SLC44A1: variants seen among roughly 807,000 people sequenced by gnomAD.
The protein encoded by SLC44A1 is solute carrier family 44 member 1, also known as choline transporter-like protein 1.
Under a neutral mutation model 79.3 loss-of-function variants are expected in SLC44A1, and 26 were observed. The ratio of observed to expected loss-of-function variants is 0.33; its 90% CI spans 0.24 to 0.46. The LOEUF is 0.46. Among genes scored for constraint, SLC44A1 ranks in the 20% least tolerant of loss-of-function variants. SLC44A1 has a pLI of 1.00. For missense variants in SLC44A1, 688 were observed against 798.1 expected (o/e 0.86, Z 1.66); for synonymous variants, 263 against 286.2 (o/e 0.92, Z 0.82).
intron 1 of SLC44A1, 84 bp downstream of exon 1, chr9:105,244,988 T>C: frequency 2.4e-6 from 1 of 409,272 alleles, no homozygotes; most frequent in Non-Finnish European, 3.3e-6. Context: ...GCCCGATACC[T>C]CTCGCTGTCC....
chr9:105,402,404 C>CCA (rs1168252973), intron 15 of SLC44A1, among the ~76,000 whole-genome samples: 2 of 152,148 alleles, frequency 1.3e-5, no homozygotes, highest in Non-Finnish European at 2.9e-5. Flanking sequence ...CTCAGGATGA[C>CCA]GTGTGCCATC....
chr9:105,348,677 ATTTCT>A (rs1360028011), intron 5 of SLC44A1, among the ~76,000 whole-genome samples: 1 of 152,038 alleles, frequency 6.6e-6, no homozygotes, highest in East Asian at 1.9e-4. Context: ...TTTAAATTTC[ATTTCT>A]TTTAGGGGCT....
intron 15 of SLC44A1, among the ~76,000 whole-genome samples, chr9:105,417,029 G>T (rs1053256210): frequency 1.3e-5 from 2 of 152,164 alleles, no homozygotes; most frequent in Non-Finnish European, 2.9e-5. Context: ...TTTTGGTTTT[G>T]GTTTTAGTTT....
intron 4 of SLC44A1, among the ~76,000 whole-genome samples, chr9:105,339,598 G>A (rs1218829269): frequency 1.3e-5 from 2 of 152,186 alleles, no homozygotes; most frequent in African/African-American, 4.8e-5. Context: ...GGGAAACTGA[G>A]GCAGGAAGAT....
At chr9:105,405,316 AT>A (rs1302276972) in intron 15 of SLC44A1, among the ~76,000 whole-genome samples, 1 of 151,136 alleles carries the variant, frequency 6.6e-6, no homozygotes, top group Non-Finnish European at 1.5e-5. Context: ...GCAAGACTCC[AT>A]TTAAAAAAAA....
intron 12 of SLC44A1, among the ~76,000 whole-genome samples, chr9:105,373,801 C>G (rs1828190480): frequency 6.6e-6 from 1 of 152,214 alleles, no homozygotes; most frequent in African/African-American, 2.4e-5. Context: ...ACCCTCACAC[C>G]TTCAAGAGAA....
At chr9:105,376,331 A>G (rs1018423956) in intron 13 of SLC44A1, among the ~76,000 whole-genome samples, 8 of 143,538 alleles carry the variant, frequency 5.6e-5, no homozygotes, top group African/African-American at 2.0e-4. Context: ...ACACACACAC[A>G]CACACACACA....
intron 1 of SLC44A1, among the ~76,000 whole-genome samples, chr9:105,250,548 A>G (rs1438231551): frequency 6.6e-6 from 1 of 152,186 alleles, no homozygotes; most frequent in East Asian, 1.9e-4. Context: ...GATTTTTGGG[A>G]CTATAGGGGA....
At chr9:105,425,051 A>C (rs1342966028) in intron 15 of SLC44A1, among the ~76,000 whole-genome samples, 1 of 152,178 alleles carries the variant, frequency 6.6e-6, no homozygotes, top group African/African-American at 2.4e-5. Flanking sequence ...TTAAACACAT[A>C]TATTTGGAAT....
chr9:105,301,008 G>T (rs1376714861), intron 2 of SLC44A1, among the ~76,000 whole-genome samples: 1 of 152,126 alleles, frequency 6.6e-6, no homozygotes, highest in Non-Finnish European at 1.5e-5. Flanking sequence ...GACCTCAGGT[G>T]ATCCACCCAT....
At position 105,335,710 on chromosome 9, in the gene SLC44A1, A is replaced by G; in HGVS notation, c.406+11A>G. On this transcript the variant is annotated intron_variant, in intron 4 of 15. Transcript: ENST00000374720. ...TTGCAGAGATAAATGGTGAGACATT[A>G]GGCCATCCAAATCTATGTCCTGTCA... The G allele has an allele frequency of 6.2e-7, 1 of 1,610,544 alleles. No homozygotes were observed. The highest frequency in any genetic ancestry group is 8.5e-7 in the Non-Finnish European group (1 of 1,178,170).
intron 1 of SLC44A1, among the ~76,000 whole-genome samples, chr9:105,284,288 A>G (rs1830426142): frequency 6.8e-6 from 1 of 146,502 alleles, no homozygotes; most frequent in South Asian, 2.2e-4. Flanking sequence ...CTGGTCTTGA[A>G]CTCTGAGCTC....
intron 2 of SLC44A1, among the ~76,000 whole-genome samples, chr9:105,303,919 A>G (rs1201331304): frequency 6.6e-6 from 1 of 152,042 alleles, no homozygotes; most frequent in Non-Finnish European, 1.5e-5. Flanking sequence ...GAGAAAGGAG[A>G]CTGCAGTCTT....
chr9:105,300,724 T>A (rs1021832345), intron 2 of SLC44A1, among the ~76,000 whole-genome samples: 18 of 152,058 alleles, frequency 1.2e-4, no homozygotes, highest in Non-Finnish European at 2.6e-4. Context: ...TTTAATGGAA[T>A]GGCAGCTGAA....
At chr9:105,278,128 C>T (rs950715620) in intron 1 of SLC44A1, among the ~76,000 whole-genome samples, 6 of 151,952 alleles carry the variant, frequency 3.9e-5, no homozygotes, top group Non-Finnish European at 8.8e-5. Flanking sequence ...GTGGCGCTGT[C>T]TCCACTCACT....
chr9:105,405,279 C>A (rs1375196809), intron 15 of SLC44A1, among the ~76,000 whole-genome samples: 1 of 151,470 alleles, frequency 6.6e-6, no homozygotes, highest in East Asian at 1.9e-4. Context: ...CGAGAATGTG[C>A]CACTGCACTC....
intron 4 of SLC44A1, among the ~76,000 whole-genome samples, chr9:105,338,555 C>T (rs374674494): frequency 3.7e-4 from 56 of 152,246 alleles, no homozygotes; most frequent in African/African-American, 1.3e-3. Flanking sequence ...GCTGGGACTA[C>T]AGGCATGTGT....
intron 1 of SLC44A1, among the ~76,000 whole-genome samples, chr9:105,261,763 TTCTC>T (rs1200579434): frequency 1.7e-4 from 25 of 148,502 alleles, no homozygotes; most frequent in Admixed American, 1.3e-4. Flanking sequence ...GAATCTGTGT[TTCTC>T]TCTCTCTCTT....
intron 15 of SLC44A1, among the ~76,000 whole-genome samples, chr9:105,419,914 CAAA>C (rs59244219): frequency 9.4e-5 from 5 of 53,444 alleles, no homozygotes; most frequent in East Asian, 5.9e-4. Flanking sequence ...AACTCTGTCT[CAAA>C]AAAAAAAAAA....
Sources: allele counts gnomAD v4.1 joint callset (sites outside exome capture counted in the v4.1 genomes callset), GRCh38; gene constraint gnomAD v4.1.1; transcripts MANE v1.5; gene names NCBI Gene and HGNC (gene_info 2026-07-23, HGNC 2026-07-21).